The following TTLL11 variants were observed in gnomAD, a reference collection of about 807,000 sequenced individuals.
TTLL11 encodes tubulin tyrosine ligase like 11.
Under a neutral mutation model 51.7 loss-of-function variants are expected in TTLL11, and 42 were observed. The observed-to-expected ratio is 0.81, with a 90% CI of 0.64 to 1.05. TTLL11 has a LOEUF of 1.05. TTLL11 is among the 50% of genes least tolerant of loss of function. TTLL11 has a pLI of 0.00. For missense variants in TTLL11, 799 were observed against 940.4 expected (o/e 0.85, Z 1.97); for synonymous variants, 381 against 383.5 (o/e 0.99, Z 0.08).
intron 6 of TTLL11, among the ~76,000 whole-genome samples, chr9:121,926,436 T>C (rs1431547621): frequency 2.0e-5 from 3 of 152,250 alleles, no homozygotes; most frequent in African/African-American, 7.2e-5. Flanking sequence ...TAAGGAGTCA[T>C]TCACATTCAT....
At chr9:122,039,434 T>G in intron 1 of TTLL11, 66 bp from the exon 2 acceptor site, 1 of 1,294,886 alleles carries the variant, frequency 7.7e-7, no homozygotes, top group Non-Finnish European at 1.1e-6. Context: ...GAGTATCCAT[T>G]ATGTACAAAT....
intron 1 of TTLL11, chr9:122,040,260 C>T: frequency 1.4e-6 from 1 of 723,404 alleles, no homozygotes; most frequent in Non-Finnish European, 1.7e-6. Context: ...GGCCTCAGAC[C>T]CGCGTGAGCC....
intron 6 of TTLL11, among the ~76,000 whole-genome samples, chr9:121,941,220 CATCACCAAAGT>C (rs1334755812): frequency 6.6e-6 from 1 of 152,232 alleles, no homozygotes. Flanking sequence ...AATCCGCGTT[CATCACCAAAGT>C]GAGCCCTGAG....
At chr9:122,031,363 G>A (rs956069116) in intron 3 of TTLL11, among the ~76,000 whole-genome samples, 4 of 152,164 alleles carry the variant, frequency 2.6e-5, no homozygotes, top group African/African-American at 7.2e-5. Flanking sequence ...ACAGGAAGCC[G>A]GCGAGGCCAC....
At position 121,906,196 on chromosome 9, in the gene TTLL11, A is replaced by G. The variant is rs371027513; in HGVS notation, c.1482-35448T>C. ...AGATTTGTATCTCTAATTATTTTTT[A>G]GACTCTTCTCCTCAAAGCTATGAAT... On this transcript the variant is annotated intron_variant, in intron 6 of 8. Coordinates refer to ENST00000321582, the MANE Select transcript of TTLL11 (RefSeq NM_001139442.2). 5.9e-5 allele frequency among the ~76,000 whole-genome samples: 9 copies of G among 152,280 alleles called. No homozygotes were observed. The East Asian group carries it at 1.7e-3, about 29-fold the overall frequency.
intron 1 of TTLL11, among the ~76,000 whole-genome samples, chr9:122,066,211 G>A (rs1053191504): frequency 2.6e-5 from 3 of 115,488 alleles, no homozygotes; most frequent in East Asian, 2.2e-4. Flanking sequence ...TGTTGTTGTT[G>A]TTAGTGGTGG....
In TTLL11 at chr9:121,815,781, T is replaced by C. The variant is rs1836388633; in HGVS notation, c.*6806A>G. On this transcript the variant is annotated 3_prime_UTR_variant, in exon 9 of 9. Coordinates refer to ENST00000321582, the MANE Select transcript of TTLL11 (RefSeq NM_001139442.2). ...GCCAAGTAACAGAACCTTGACTTTA[T>C]GCGCCATGAAAATTTAATAAAGAAT... 2 of 152,164 alleles carry C rather than the reference T, an allele frequency of 1.3e-5. No homozygotes were observed. Among genetic ancestry groups the C allele is most frequent in the Admixed American group, 1.3e-4 (2 of 15,274 alleles). The allele number at this position is 152,164 out of a possible 1,614,324, so 9.4% of individuals were successfully genotyped here.
At chr9:122,011,376 T>C (rs1843786320) in intron 3 of TTLL11, among the ~76,000 whole-genome samples, 1 of 152,178 alleles carries the variant, frequency 6.6e-6, no homozygotes, top group Non-Finnish European at 1.5e-5. Flanking sequence ...ATCCATCTTA[T>C]AGGTGTAATG....
intron 8 of TTLL11, among the ~76,000 whole-genome samples, chr9:121,851,546 A>C (rs187925027): frequency 3.9e-5 from 6 of 152,340 alleles, no homozygotes; most frequent in Admixed American, 6.5e-5. Context: ...GGTGCTTGAT[A>C]AATGTAGCTG....
rs565832927 is a variant in TTLL11, at chr9:121,914,639, C to T, written c.1482-43891G>A. Among the ~76,000 whole-genome samples the T allele has an allele frequency of 2.1e-3, 318 of 152,186 alleles. 2 individuals are homozygous for T. The highest frequency in any genetic ancestry group is 3.7e-3 in the Non-Finnish European group (252 of 68,010). On this transcript the variant is annotated intron_variant, in intron 6 of 8. Transcript: ENST00000321582. ...GTCTCCATGAAGAGCCTCAAGAGCACCCAGCACATCCTCACGCAGCCCACT... is the reference window on the plus strand; with the variant it reads ...GTCTCCATGAAGAGCCTCAAGAGCATCCAGCACATCCTCACGCAGCCCACT...
intron 6 of TTLL11, among the ~76,000 whole-genome samples, chr9:121,910,394 T>A (rs1840073084): frequency 6.6e-6 from 1 of 152,244 alleles, no homozygotes; most frequent in African/African-American, 2.4e-5. Flanking sequence ...TCAAACACTG[T>A]TCTTCGTAAC....
At chr9:121,877,567 C>T (rs1838614006) in intron 6 of TTLL11, among the ~76,000 whole-genome samples, 3 of 152,178 alleles carry the variant, frequency 2.0e-5, no homozygotes, top group African/African-American at 4.8e-5. Flanking sequence ...CCACAAACCC[C>T]GGTCAGGCCA....
intron 1 of TTLL11, among the ~76,000 whole-genome samples, chr9:122,076,620 C>T (rs1845867166): frequency 6.6e-6 from 1 of 151,796 alleles, no homozygotes; most frequent in Non-Finnish European, 1.5e-5. Flanking sequence ...GTAGTAGAGC[C>T]CCCTGAGGCA....
chr9:122,000,214 G>A (rs1400280699), intron 3 of TTLL11, among the ~76,000 whole-genome samples: 1 of 152,154 alleles, frequency 6.6e-6, no homozygotes, highest in South Asian at 2.1e-4. Flanking sequence ...GCTCACGCCT[G>A]TAATCCCAGG....
intron 3 of TTLL11, among the ~76,000 whole-genome samples, chr9:121,999,813 G>A (rs1843407243): frequency 6.6e-6 from 1 of 152,160 alleles, no homozygotes. Context: ...CCCCATCACA[G>A]GCAAGGAAAC....
intron 1 of TTLL11, among the ~76,000 whole-genome samples, chr9:122,085,197 T>C (rs1270663674): frequency 2.0e-5 from 3 of 152,000 alleles, no homozygotes; most frequent in Non-Finnish European, 4.4e-5. Context: ...GAGGCAGAGG[T>C]TGCAGTGAGC....
At chr9:121,824,478 C>CAAA (rs35905457) in intron 8 of TTLL11, among the ~76,000 whole-genome samples, 8 of 110,356 alleles carry the variant, frequency 7.2e-5, no homozygotes, top group South Asian at 3.3e-4. Flanking sequence ...GACTCCATCT[C>CAAA]AAAAAAAAAA....
At chr9:121,865,675 G>A (rs868752655) in intron 7 of TTLL11, among the ~76,000 whole-genome samples, 5 of 151,716 alleles carry the variant, frequency 3.3e-5, no homozygotes, top group South Asian at 2.1e-4. Context: ...TCTATTTCTC[G>A]GGGAAAAAGG....
At chr9:121,841,271 C>T (rs1157479320) in intron 8 of TTLL11, among the ~76,000 whole-genome samples, 1 of 152,040 alleles carries the variant, frequency 6.6e-6, no homozygotes, top group Admixed American at 6.5e-5. Flanking sequence ...GGAGATGAGG[C>T]TGGCAAGTCT....
Sources: gnomAD v4.1 joint callset for allele counts (sites outside exome capture counted in the v4.1 genomes callset) on GRCh38, gnomAD v4.1.1 for gene constraint, MANE v1.5 for transcripts, NCBI Gene and HGNC (gene_info 2026-07-23, HGNC 2026-07-21) for gene names.